REP15: variants seen among roughly 807,000 people sequenced by gnomAD.
REP15 encodes the protein RAB15 effector protein.
A neutral mutation model predicts 1.1 loss-of-function variants in REP15; 1 was observed. The observed-to-expected ratio is 0.89, with a 90% CI of 0.32 to 4.24. The LOEUF is 4.24. Among genes scored for constraint, REP15 ranks in the 30% most tolerant of loss-of-function variants. The pLI is 0.17. For synonymous variants in REP15, 100 were observed against 99.7 expected, an observed-to-expected ratio of 1.00 and a Z score of -0.02; for missense variants, 246 against 271.9, an observed-to-expected ratio of 0.90 and a Z score of 0.67.
rs765531885 is a variant in REP15 at position 27,697,246 on chromosome 12, G to A, written c.684G>A (p.Val228=). 7.4e-6 allele frequency: 12 copies of A among 1,613,006 alleles called. No homozygotes were observed. The highest frequency in any genetic ancestry group is 1.3e-5 in the African/African-American group (1 of 75,004). Residue 228 remains valine, a synonymous_variant, in exon 1 of 1, where the codon GTG becomes GTA. Transcript: ENST00000310791. The part of the protein sequence containing the change: ...CLSKKDGLRE[V]GKVYISIL ...GTAAGAAAGACGGGCTGAGAGAGGT[G>A]GGCAAGGTTTATATCAGCATTCTCT...
In REP15 at chr12:27,697,542, A is replaced by ATT; in HGVS notation, c.*269_*270insTT. On this transcript the variant is annotated 3_prime_UTR_variant, in exon 1 of 1. Coordinates refer to ENST00000310791, the MANE Select transcript of REP15 (RefSeq NM_001029874.3). ...ATATTTCATTCACTTATTCAATAAT[A>ATT]AAAATGGAAGAGAGATAATAAAGTC... 1 of 288,698 alleles carries ATT rather than the reference A, an allele frequency of 3.5e-6. No individual in the cohort carries two copies. The highest frequency in any genetic ancestry group is 2.2e-5 in the African/African-American group (1 of 45,562). 17.9% of individuals were successfully genotyped at this position (288,698 alleles called of 1,614,324 possible).
chr12:27,696,590 G>T lies in REP15; in HGVS notation c.28G>T (p.Ala10Ser). The T allele has an allele frequency of 2.5e-6, 4 of 1,606,242 alleles. No homozygotes were observed. The highest frequency in any genetic ancestry group is 1.1e-5 in the South Asian group (1 of 90,878). ...GGGGCAGAAAGCATCGCAACAGTTG[G>T]CTCTGAAGGACAGCAAAGAGGTGCC... MGQKASQQL[A>S]LKDSKEVPVV... Residue 10 changes from alanine (A) to serine (S), a missense_variant, in exon 1 of 1, where the codon GCT (alanine) becomes TCT (serine). Transcript: ENST00000310791.
At position 27,696,723 on chromosome 12, in the gene REP15, C is replaced by G. The variant is rs1324257911; in HGVS notation, c.161C>G (p.Thr54Ser). 3 of 1,614,100 alleles carry G rather than the reference C, an allele frequency of 1.9e-6. No individual in the cohort carries two copies. ...AGTAAACTCTGCCCAGCTGCAAATA[C>G]TCTGAATGAGATCTTCTTAATCCAT... is the stretch of plus-strand genomic sequence containing the variant. ...PPSKLCPAANTLNEIFLIHFI... is the reference protein window; with the variant it reads ...PPSKLCPAANSLNEIFLIHFI... Residue 54 changes from threonine to serine, a missense_variant, in exon 1 of 1, where the codon ACT becomes AGT. Physicochemically the swap from Thr to Ser is moderately conservative, Grantham distance 58. Coordinates refer to ENST00000310791, the MANE Select transcript of REP15 (RefSeq NM_001029874.3).
In REP15 at chr12:27,696,633, T is replaced by TCCATG. The variant is rs765040608; in HGVS notation, c.72_73insCATGC (p.Ser25HisfsTer6). The stretch of plus-strand genomic sequence containing the variant: ...GAGGTGCCCGTCGTCTGTGAGGTGG[T>TCCATG]CAGTGAAGCTATAGTCCATGCAGCT... On this transcript the variant is annotated frameshift_variant, in exon 1 of 1. Coordinates refer to ENST00000310791, the MANE Select transcript of REP15 (RefSeq NM_001029874.3). LOFTEE classifies it low-confidence loss of function (END_TRUNC). 111 of 1,614,028 alleles carry TCCATG rather than the reference T, an allele frequency of 6.9e-5. 1 individual carries two copies. In the South Asian group the frequency reaches 1.2e-3, roughly 18 times the overall value.
At position 27,696,538 on chromosome 12, in the gene REP15, T is replaced by A; in HGVS notation, c.-25T>A. ...GAAGTACGTCTGAACCAGATTCACA[T>A]GTTTGATATTTGGATGCAGAGAAAA... On this transcript the variant is annotated 5_prime_UTR_variant, in exon 1 of 1. The change abolishes an upstream ATG in the 5' untranslated region. Transcript: ENST00000310791. 6.5e-7 allele frequency: 1 copy of A among 1,550,058 alleles called. No individual in the cohort carries two copies. Among genetic ancestry groups the A allele is most frequent in the Non-Finnish European group, 8.8e-7 (1 of 1,131,658 alleles).
At position 27,696,858 on chromosome 12, in the gene REP15, G is replaced by A; in HGVS notation, c.296G>A (p.Gly99Glu). The change falls in exon 1 of 1, where the codon GGA becomes GAA. Residue 99 changes from glycine to glutamate, a missense_variant. Physicochemically the swap from Gly to Glu is moderately conservative, Grantham distance 98. Coordinates refer to ENST00000310791, the MANE Select transcript of REP15 (RefSeq NM_001029874.3). The stretch of plus-strand genomic sequence containing the variant: ...GCAGACTGGATTTGGACCTTTTGGG[G>A]ATCCAACAAGCAAATAAAGCTTCAG... ...FGADWIWTFW[G>E]SNKQIKLQLA... 2 of 1,614,080 alleles carry A rather than the reference G, an allele frequency of 1.2e-6. No homozygotes were observed. The highest frequency in any genetic ancestry group is 1.7e-6 in the Non-Finnish European group (2 of 1,180,002).
chr12:27,696,977 T>G lies in REP15; in HGVS notation c.415T>G (p.Ser139Ala). Residue 139 changes from serine to alanine, a missense_variant, in exon 1 of 1, where the codon TCC becomes GCC. By Grantham distance (99) the Ser-to-Ala change is moderately conservative. Transcript: ENST00000310791. ...SNPESRVEES[S>A]WKKSRFDKLE... ...TCCAGAATCAAGGGTAGAGGAGTCTTCCTGGAAGAAAAGTAGATTTGATAA... is the reference window on the plus strand; with the variant it reads ...TCCAGAATCAAGGGTAGAGGAGTCTGCCTGGAAGAAAAGTAGATTTGATAA... The G allele has an allele frequency of 6.2e-7, 1 of 1,614,176 alleles. No homozygotes were observed. The highest frequency in any genetic ancestry group is 8.5e-7 in the Non-Finnish European group (1 of 1,180,018).
At position 27,697,165 on chromosome 12, in the gene REP15, T is replaced by A. The variant is rs754259668; in HGVS notation, c.603T>A (p.Phe201Leu). 6.2e-7 allele frequency: 1 copy of A among 1,614,136 alleles called. No individual in the cohort carries two copies. Among genetic ancestry groups the A allele is most frequent in the East Asian group, 2.2e-5 (1 of 44,886 alleles). The change falls in exon 1 of 1, where the codon TTT (phenylalanine) becomes TTA (leucine). Residue 201 changes from phenylalanine (F) to leucine (L), a missense_variant. Transcript: ENST00000310791. ...CAGGAGGGAAGGCTGTGGCTCAGTT[T>A]GTCCTGGAAACTGAAGATTGTGTGT... ...HLPGGKAVAQ[F>L]VLETEDCVFI...
rs533647112 is a variant in REP15, at chr12:27,697,570, A to T, written c.*297A>T. ...AATGGAAGAGAGATAATAAAGTCAC[A>T]TTTAAAGTTTGATTTGCAAAAAAAA... On this transcript the variant is annotated 3_prime_UTR_variant, in exon 1 of 1. Transcript: ENST00000310791. 4.1e-6 allele frequency: 1 copy of T among 244,514 alleles called. No homozygotes were observed. Among genetic ancestry groups the T allele is most frequent in the African/African-American group, 2.3e-5 (1 of 43,822 alleles). The allele number at this position is 244,514 out of a possible 1,614,324, so 15.1% of individuals were successfully genotyped here.
At position 27,697,200 on chromosome 12, in the gene REP15, A is replaced by T. The variant is rs919834880; in HGVS notation, c.638A>T (p.Glu213Val). The T allele has an allele frequency of 4.3e-6, 7 of 1,614,062 alleles. No homozygotes were observed. The highest frequency in any genetic ancestry group is 5.9e-6 in the Non-Finnish European group (7 of 1,180,036). The change falls in exon 1 of 1, where the codon GAG becomes GTG. Residue 213 changes from glutamate (E) to valine (V), a missense_variant. Physicochemically the swap from Glu to Val is moderately radical, Grantham distance 121. Transcript: ENST00000310791. The stretch of plus-strand genomic sequence containing the variant: ...ACTGAAGATTGTGTGTTCATCAAAG[A>T]GCTGCTCAGAAATTGTCTGAGTAAG... ...LETEDCVFIK[E>V]LLRNCLSKKD...
Position 27,697,032 on chromosome 12 carries a change from A to G in REP15, c.470A>G (p.Glu157Gly). The G allele has an allele frequency of 6.2e-7, 1 of 1,613,988 alleles. No individual in the cohort carries two copies. Among genetic ancestry groups the G allele is most frequent in the Non-Finnish European group, 8.5e-7 (1 of 1,179,854 alleles). Residue 157 changes from glutamate to glycine, a missense_variant, in exon 1 of 1, where the codon GAG (glutamate) becomes GGG (glycine). Glu to Gly is a moderately conservative substitution (Grantham distance 98). Transcript: ENST00000310791. ...GAAGAATTCTGTAACTTAATAGGAG[A>G]GGATTGCCTGGGTCTGTTTATCATC... ...KLEEFCNLIG[E>G]DCLGLFIIFG...
At position 27,697,547 on chromosome 12, in the gene REP15, TGG is replaced by T; in HGVS notation, c.*275_*276del. 3.6e-6 allele frequency: 1 copy of T among 277,582 alleles called. No individual in the cohort carries two copies. The highest frequency in any genetic ancestry group is 2.2e-5 in the African/African-American group (1 of 45,134). The allele number at this position is 277,582 out of a possible 1,614,324, so 17.2% of individuals were successfully genotyped here. ...TCATTCACTTATTCAATAATAAAAA[TGG>T]AAGAGAGATAATAAAGTCACATTTA... On this transcript the variant is annotated 3_prime_UTR_variant, in exon 1 of 1. Transcript: ENST00000310791.
In REP15 at chr12:27,697,151, G is replaced by C. The variant is rs574041237; in HGVS notation, c.589G>C (p.Ala197Pro). The C allele has an allele frequency of 3.1e-6, 5 of 1,613,954 alleles. No individual in the cohort carries two copies. In the African/African-American group the frequency reaches 6.7e-5, roughly 22 times the overall value. The change falls in exon 1 of 1, where the codon GCT becomes CCT. Residue 197 changes from alanine to proline, a missense_variant. Coordinates refer to ENST00000310791, the MANE Select transcript of REP15 (RefSeq NM_001029874.3). ...GAGGAGCCATCTGCCAGGAGGGAAG[G>C]CTGTGGCTCAGTTTGTCCTGGAAAC... ...MVRSHLPGGK[A>P]VAQFVLETED...
rs769793694 is a variant in REP15 at position 27,696,620 on chromosome 12, G to A, written c.58G>A (p.Val20Ile). ...GAAGGACAGCAAAGAGGTGCCCGTCGTCTGTGAGGTGGTCAGTGAAGCTAT... is the reference window on the plus strand; with the variant it reads ...GAAGGACAGCAAAGAGGTGCCCGTCATCTGTGAGGTGGTCAGTGAAGCTAT... ...ALKDSKEVPV[V>I]CEVVSEAIVH... Residue 20 changes from valine to isoleucine, a missense_variant, in exon 1 of 1, where the codon GTC becomes ATC. Physicochemically the swap from Val to Ile is conservative, Grantham distance 29 (BLOSUM62 3). Transcript: ENST00000310791. 2.0e-5 allele frequency: 32 copies of A among 1,613,128 alleles called. 1 individual carries two copies. In the Admixed American group the frequency reaches 2.2e-4, roughly 11 times the overall value.
In REP15 at chr12:27,697,320, A is replaced by G. The variant is rs778579824; in HGVS notation, c.*47A>G. The G allele has an allele frequency of 1.2e-5, 14 of 1,160,474 alleles. No homozygotes were observed. Among genetic ancestry groups the G allele is most frequent in the Admixed American group, 2.2e-5 (1 of 45,382 alleles). The allele number at this position is 1,160,474 out of a possible 1,614,324, so 71.9% of individuals were successfully genotyped here. On this transcript the variant is annotated 3_prime_UTR_variant, in exon 1 of 1. Transcript: ENST00000310791. ...TGGCCTGTAAGAGGAAAAGAAAAAA[A>G]GATTCTAATAAGCAAGCTCACCTAT...
chr12:27,696,485 C>T lies in REP15; in HGVS notation c.-78C>T. On this transcript the variant is annotated 5_prime_UTR_variant, in exon 1 of 1. Coordinates refer to ENST00000310791, the MANE Select transcript of REP15 (RefSeq NM_001029874.3). ...AACATGAACCATTAACAGATGTGGCCTCCCTGCAGAACTTTTACTTTGAAA... is the reference window on the plus strand; with the variant it reads ...AACATGAACCATTAACAGATGTGGCTTCCCTGCAGAACTTTTACTTTGAAA... 1 of 1,136,972 alleles carries T rather than the reference C, an allele frequency of 8.8e-7. No homozygotes were observed. Among genetic ancestry groups the T allele is most frequent in the South Asian group, 1.6e-5 (1 of 63,210 alleles). 70.4% of individuals were successfully genotyped at this position (1,136,972 alleles called of 1,614,324 possible).
At position 27,696,889 on chromosome 12, in the gene REP15, A is replaced by C; in HGVS notation, c.327A>C (p.Ala109=). Residue 109 remains alanine (A), a synonymous_variant, in exon 1 of 1, where the codon GCA becomes GCC. Coordinates refer to ENST00000310791, the MANE Select transcript of REP15 (RefSeq NM_001029874.3). ...ACAAGCAAATAAAGCTTCAGCTCGC[A>C]GTACAGACTCTGCAGATGTCTTCAC... ...GSNKQIKLQL[A]VQTLQMSSPP... is the part of the protein sequence containing the mutation. 1 of 1,614,136 alleles carries C rather than the reference A, an allele frequency of 6.2e-7. No homozygotes were observed. The highest frequency in any genetic ancestry group is 1.3e-5 in the African/African-American group (1 of 75,052).
rs2061737263 is a variant in REP15, at chr12:27,697,101, T to C, written c.539T>C (p.Leu180Pro). 4 of 1,614,058 alleles carry C rather than the reference T, an allele frequency of 2.5e-6. No homozygotes were observed. The highest frequency in any genetic ancestry group is 1.7e-5 in the Admixed American group (1 of 60,002). ...GKPKDIRGVV[L>P]DSVKSQMVRS... Reference sequence around the variant, plus strand: ...CCTAAAGACATCAGGGGAGTTGTCCTGGACAGTGTCAAAAGTCAGATGGTG... The same window carrying C: ...CCTAAAGACATCAGGGGAGTTGTCCCGGACAGTGTCAAAAGTCAGATGGTG... Residue 180 changes from leucine (L) to proline (P), a missense_variant, in exon 1 of 1, where the codon CTG (leucine) becomes CCG (proline). By Grantham distance (98) the Leu-to-Pro change is moderately conservative (BLOSUM62 -3). Coordinates refer to ENST00000310791, the MANE Select transcript of REP15 (RefSeq NM_001029874.3).
Position 27,696,456 on chromosome 12 carries a change from G to A in REP15, c.-107G>A. On this transcript the variant is annotated 5_prime_UTR_variant, in exon 1 of 1. Coordinates refer to ENST00000310791, the MANE Select transcript of REP15 (RefSeq NM_001029874.3). ...TACACCCGAGGAAGCTGTAGAGTTA[G>A]AAAAACATGAACCATTAACAGATGT... The A allele has an allele frequency of 1.3e-6, 1 of 795,526 alleles. No individual in the cohort carries two copies. The highest frequency in any genetic ancestry group is 2.7e-5 in the East Asian group (1 of 37,136). The allele number at this position is 795,526 out of a possible 1,614,324, so 49.3% of individuals were successfully genotyped here.
Sources: gnomAD v4.1 joint callset for allele counts on GRCh38, gnomAD v4.1.1 for gene constraint, MANE v1.5 for transcripts, NCBI Gene and HGNC (gene_info 2026-07-23, HGNC 2026-07-21) for gene names.